Variants in TGFBR3 observed in about 807,000 individuals in gnomAD.
TGFBR3 encodes the protein transforming growth factor beta receptor 3.
TGFBR3 carries 46 observed loss-of-function variants against 87.9 expected under a neutral mutation model. The ratio of observed to expected loss-of-function variants is 0.52; its 90% confidence interval spans 0.41 to 0.67. TGFBR3 has a LOEUF of 0.67. Ranked by LOEUF, TGFBR3 falls within the 30% of genes least tolerant of loss-of-function variation. The pLI is 0.00. For synonymous variants in TGFBR3, 381 were observed against 391.6 expected, an observed-to-expected ratio of 0.97 and a Z score of 0.32; for missense variants, 866 against 1,041.9, an observed-to-expected ratio of 0.83 and a Z score of 2.32.
intron 2 of TGFBR3, among the ~76,000 whole-genome samples, chr1:91,814,170 C>T (rs933588910): frequency 6.6e-6 from 1 of 152,080 alleles, no homozygotes; most frequent in African/African-American, 2.4e-5. Flanking sequence ...AGTCGGGGTC[C>T]AAATTCACTC....
At chr1:91,703,191 G>A (rs950770626) in intron 14 of TGFBR3, among the ~76,000 whole-genome samples, 1 of 151,834 alleles carries the variant, frequency 6.6e-6, no homozygotes, top group Admixed American at 6.6e-5. Flanking sequence ...CCCTCACCTC[G>A]ACCTCAGCTC....
At chr1:91,805,858 G>A (rs1675808039) in intron 2 of TGFBR3, among the ~76,000 whole-genome samples, 1 of 152,184 alleles carries the variant, frequency 6.6e-6, no homozygotes, top group African/African-American at 2.4e-5. Flanking sequence ...CTCATGAGAG[G>A]CTAAGAAACA....
chr1:91,889,765 C>G (rs1679407788), upstream of TGFBR3, among the ~76,000 whole-genome samples: 1 of 151,702 alleles, frequency 6.6e-6, no homozygotes. Flanking sequence ...ACCCCCACCC[C>G]CACCTCCCAG....
intron 1 of TGFBR3, chr1:91,861,883 GTCTC>G (rs1678213212): frequency 6.6e-6 from 2 of 304,364 alleles, no homozygotes; most frequent in South Asian, 2.8e-5. Context: ...TTGAGATAGA[GTCTC>G]TCTCTGTCGC....
chr1:91,837,157 A>C (rs1000366057), intron 2 of TGFBR3, among the ~76,000 whole-genome samples: 2 of 152,130 alleles, frequency 1.3e-5, no homozygotes. Context: ...CAGACCTAAT[A>C]ATTTTTTTTA....
At chr1:91,720,472 A>AT (rs1227060639) in intron 8 of TGFBR3, among the ~76,000 whole-genome samples, 1 of 152,290 alleles carries the variant, frequency 6.6e-6, no homozygotes, top group Non-Finnish European at 1.5e-5. Flanking sequence ...TGCTTTTCCA[A>AT]TTTTTTAAAT....
intron 2 of TGFBR3, among the ~76,000 whole-genome samples, chr1:91,895,121 G>T (rs1679527681): frequency 6.6e-6 from 1 of 152,126 alleles, no homozygotes; most frequent in Non-Finnish European, 1.5e-5. Flanking sequence ...GCTTGAATCT[G>T]CGTCCTCATC....
chr1:91,728,376 T>C (rs1672621813), intron 6 of TGFBR3, among the ~76,000 whole-genome samples: 2 of 152,204 alleles, frequency 1.3e-5, no homozygotes, highest in African/African-American at 2.4e-5. Context: ...CAGAATCGTA[T>C]CTGCATTTAC....
At chr1:91,875,291 T>C (rs886447174) in intron 1 of TGFBR3, among the ~76,000 whole-genome samples, 6 of 151,804 alleles carry the variant, frequency 4.0e-5, no homozygotes, top group African/African-American at 9.7e-5. Flanking sequence ...GGAACCCCCA[T>C]AGAGAAGGAG....
At chr1:91,794,919 G>T (rs755617934) in intron 3 of TGFBR3, among the ~76,000 whole-genome samples, 1 of 152,214 alleles carries the variant, frequency 6.6e-6, no homozygotes, top group Non-Finnish European at 1.5e-5. Flanking sequence ...GCTGGGTCAT[G>T]TGGTTCAAAT....
chr1:91,801,097 A>AG (rs1279449039), intron 2 of TGFBR3: 12 of 218,764 alleles, frequency 5.5e-5, no homozygotes, highest in East Asian at 1.7e-4. Flanking sequence ...AAAAAAAAAA[A>AG]AAAGAGAGAG....
At chr1:91,851,544 C>T (rs913045865) in intron 2 of TGFBR3, among the ~76,000 whole-genome samples, 4 of 152,060 alleles carry the variant, frequency 2.6e-5, no homozygotes, top group African/African-American at 9.7e-5. Context: ...GCTCAGAGCT[C>T]GAAGCTCTAT....
At chr1:91,765,419 A>G (rs1208629751) in intron 3 of TGFBR3, among the ~76,000 whole-genome samples, 1 of 152,046 alleles carries the variant, frequency 6.6e-6, no homozygotes, top group Non-Finnish European at 1.5e-5. Flanking sequence ...TGGGGTGTAT[A>G]TAGTAAACAG....
At position 91,712,538 on chromosome 1, in the gene TGFBR3, G is replaced by C; in HGVS notation, c.1871C>G (p.Ser624Cys). 1.2e-6 allele frequency: 2 copies of C among 1,614,092 alleles called. No individual in the cohort carries two copies. The highest frequency in any genetic ancestry group is 1.7e-5 in the Admixed American group (1 of 60,026). The change falls in exon 13 of 17, where the codon TCT becomes TGT. Residue 624 changes from serine (S) to cysteine (C), a missense_variant. Physicochemically the swap from Ser to Cys is moderately radical, Grantham distance 112 (BLOSUM62 -1). Transcript: ENST00000212355. ...CAGTTCTTGTTCAGCCTTAGTAACAGATACCTATGAAAGAACAGAAAGATG... is the reference window on the plus strand; with the variant it reads ...CAGTTCTTGTTCAGCCTTAGTAACACATACCTATGAAAGAACAGAAAGATG... ...PENGHVYVEV[S>C]VTKAEQELGF...
chr1:91,797,075 G>A (rs909739980), intron 3 of TGFBR3, among the ~76,000 whole-genome samples: 1 of 152,082 alleles, frequency 6.6e-6, no homozygotes, highest in Non-Finnish European at 1.5e-5. Context: ...CAATACGGAG[G>A]GCCAGGAAAT....
intron 2 of TGFBR3, among the ~76,000 whole-genome samples, chr1:91,799,357 G>A (rs113155803): frequency 0.019 from 2,882 of 152,338 alleles, 54 homozygotes; most frequent in Middle Eastern, 0.041. Flanking sequence ...TGTCCCGAGA[G>A]CAACAACAGG....
At chr1:91,815,417 A>T (rs759851146) in intron 2 of TGFBR3, among the ~76,000 whole-genome samples, 1 of 152,136 alleles carries the variant, frequency 6.6e-6, no homozygotes, top group Non-Finnish European at 1.5e-5. Flanking sequence ...AGAAGTGTTT[A>T]ATTAAATCAG....
chr1:91,881,267 C>T (rs939156365), intron 1 of TGFBR3, among the ~76,000 whole-genome samples: 2 of 152,268 alleles, frequency 1.3e-5, no homozygotes, highest in South Asian at 4.1e-4. Context: ...CAGTTGAGTT[C>T]CCTGGGCTCT....
intron 14 of TGFBR3, among the ~76,000 whole-genome samples, chr1:91,704,898 G>A (rs1671744262): frequency 6.6e-6 from 1 of 152,220 alleles, no homozygotes; most frequent in African/African-American, 2.4e-5. Context: ...GTATGTCAAT[G>A]CTATTGGCAG....
Sources: allele counts gnomAD v4.1 joint callset (sites outside exome capture counted in the v4.1 genomes callset), GRCh38; gene constraint gnomAD v4.1.1; transcripts MANE v1.5; gene names NCBI Gene and HGNC (gene_info 2026-07-23, HGNC 2026-07-21).